Variants in BRAF observed in about 807,000 individuals in gnomAD.
The protein encoded by BRAF is serine/threonine-protein kinase B-raf.
A neutral mutation model predicts 104.6 loss-of-function variants in BRAF; 16 were observed. That is an observed-to-expected ratio of 0.15 (90% CI 0.10 to 0.23). The LOEUF is 0.23. BRAF is among the 10% of genes least tolerant of loss of function. The probability of loss-of-function intolerance (pLI) is 1.00; values close to 1 mark genes in which losing one functional copy is unlikely to be tolerated. For synonymous variants in BRAF, 310 were observed against 341.6 expected (o/e 0.91, Z 1.02); for missense variants, 541 against 937.3 (o/e 0.58, Z 5.52).
chr7:140,897,500 T>TC (rs1563024034), intron 1 of BRAF, among the ~76,000 whole-genome samples: 1 of 142,936 alleles, frequency 7.0e-6, no homozygotes, highest in East Asian at 2.0e-4. Context: ...TTTCTTTTTT[T>TC]TTTTTTTTTT....
Position 140,749,314 on chromosome 7 carries a change from A to G in BRAF, c.2085T>C (p.Pro695=), listed in dbSNP as rs1797598440. ...GGTCCCTGTTGTTGATGTTTGAATAAGGTAACTGTCCAGTCATCAATTCAT... is the reference window on the plus strand; with the variant it reads ...GGTCCCTGTTGTTGATGTTTGAATAGGGTAACTGTCCAGTCATCAATTCAT... ...VLYELMTGQL[P]YSNINNRDQI... is the part of the protein sequence containing the mutation. The change falls in exon 17 of 20, where the codon CCT becomes CCC. Residue 695 remains proline, a synonymous_variant. Transcript: ENST00000644969. 6.2e-7 allele frequency: 1 copy of G among 1,611,812 alleles called. No individual in the cohort carries two copies. The highest frequency in any genetic ancestry group is 1.1e-5 in the South Asian group (1 of 91,008).
rs1327521679 is a variant in BRAF, at chr7:140,722,415, T to C, written c.*4079A>G. Reference sequence around the variant, plus strand: ...ATTTCTGCTAAAATGTTAGCTTTTTTATTGCATCATGAAGGCACAGTAAGA... The same window carrying C: ...ATTTCTGCTAAAATGTTAGCTTTTTCATTGCATCATGAAGGCACAGTAAGA... On this transcript the variant is annotated 3_prime_UTR_variant, in exon 20 of 20. Coordinates refer to ENST00000644969, the MANE Select transcript of BRAF (RefSeq NM_001374258.1). The C allele has an allele frequency of 1.9e-6, 2 of 1,054,416 alleles. No individual in the cohort carries two copies. The highest frequency in any genetic ancestry group is 1.1e-6 in the Non-Finnish European group (1 of 872,598). 65.3% of individuals were successfully genotyped at this position (1,054,416 alleles called of 1,614,324 possible).
At chr7:140,827,469 A>T (rs1336681512) in intron 3 of BRAF, among the ~76,000 whole-genome samples, 1 of 152,180 alleles carries the variant, frequency 6.6e-6, no homozygotes, top group African/African-American at 2.4e-5. Context: ...ATAGGTCCAT[A>T]GTTAAAAAAT....
chr7:140,856,113 GTATA>G (rs1809747192), intron 1 of BRAF, among the ~76,000 whole-genome samples: 2 of 148,532 alleles, frequency 1.3e-5, no homozygotes, highest in South Asian at 4.2e-4. Flanking sequence ...ATATATAATA[GTATA>G]TATAAATATA....
intron 1 of BRAF, among the ~76,000 whole-genome samples, chr7:140,906,087 C>CAAAAAAA (rs61150735): frequency 1.1e-4 from 5 of 44,708 alleles, no homozygotes; most frequent in African/African-American, 4.0e-4. Flanking sequence ...GACTCCGTCT[C>CAAAAAAA]AAAAAAAAAA....
chr7:140,725,035 A>G lies in BRAF; in HGVS notation c.*1459T>C. The G allele has an allele frequency of 1.9e-6, 2 of 1,047,186 alleles. No homozygotes were observed. The highest frequency in any genetic ancestry group is 9.2e-5 in the South Asian group (2 of 21,834). The allele number at this position is 1,047,186 out of a possible 1,614,324, so 64.9% of individuals were successfully genotyped here. A position where few individuals can be genotyped will look rare whatever the true frequency, so the allele number is the denominator to read the frequency against. On this transcript the variant is annotated 3_prime_UTR_variant, in exon 20 of 20. Transcript: ENST00000644969. ...TGACAGCTTTCCCACACCCTCCCTCAGTCCTAATATCCCTAAAATTGCTCT... is the reference window on the plus strand; with the variant it reads ...TGACAGCTTTCCCACACCCTCCCTCGGTCCTAATATCCCTAAAATTGCTCT...
chr7:140,762,009 G>A (rs560543388), intron 14 of BRAF, among the ~76,000 whole-genome samples: 1 of 152,214 alleles, frequency 6.6e-6, no homozygotes, highest in South Asian at 2.1e-4. Context: ...GGACACCCAG[G>A]AATTGAACTC....
intron 1 of BRAF, among the ~76,000 whole-genome samples, chr7:140,876,811 T>C (rs1214032635): frequency 2.0e-5 from 3 of 152,290 alleles, no homozygotes; most frequent in East Asian, 1.9e-4. Flanking sequence ...TTGATATTTA[T>C]ATAACATTCT....
At chr7:140,735,990 T>C (rs755345718) in intron 18 of BRAF, among the ~76,000 whole-genome samples, 7 of 151,754 alleles carry the variant, frequency 4.6e-5, no homozygotes, top group African/African-American at 7.3e-5. Flanking sequence ...TAAAATACTA[T>C]AGAAATGTAT....
downstream of BRAF, among the ~76,000 whole-genome samples, chr7:140,715,350 A>C (rs1392770432): frequency 6.6e-6 from 1 of 151,944 alleles, no homozygotes; most frequent in Non-Finnish European, 1.5e-5. Flanking sequence ...GAGCTGATGA[A>C]GTGATGTTTA....
At chr7:140,899,242 T>TA (rs1416538775) in intron 1 of BRAF, among the ~76,000 whole-genome samples, 1 of 123,776 alleles carries the variant, frequency 8.1e-6, no homozygotes, top group African/African-American at 3.1e-5. Flanking sequence ...AGGAACTTGT[T>TA]AAAAATGCAA....
At chr7:140,718,196 G>T (rs192048222), downstream of BRAF, among the ~76,000 whole-genome samples, 1 of 152,270 alleles carries the variant, frequency 6.6e-6, no homozygotes, top group East Asian at 1.9e-4. Flanking sequence ...CCAGGTTCAA[G>T]CGATTCTCCT....
chr7:140,766,670 C>A (rs1422707745), intron 14 of BRAF, among the ~76,000 whole-genome samples: 4 of 152,064 alleles, frequency 2.6e-5, no homozygotes, highest in African/African-American at 9.7e-5. Context: ...GCAACCTCAG[C>A]CTCCCGAGTA....
At chr7:140,794,569 C>T in intron 7 of BRAF, 102 bp from the exon 8 acceptor site, 1 of 1,356,016 alleles carries the variant, frequency 7.4e-7, no homozygotes, top group Non-Finnish European at 1.0e-6. Context: ...TTTATATTCT[C>T]AAAATCATTA....
intron 17 of BRAF, among the ~76,000 whole-genome samples, chr7:140,746,746 C>T (rs894637924): frequency 2.6e-5 from 4 of 151,130 alleles, no homozygotes; most frequent in African/African-American, 4.9e-5. Context: ...GCAGAAGAAT[C>T]GCTAACATGG....
At chr7:140,874,495 TG>T (rs1359362405) in intron 1 of BRAF, among the ~76,000 whole-genome samples, 1 of 138,718 alleles carries the variant, frequency 7.2e-6, no homozygotes, top group Non-Finnish European at 1.5e-5. Flanking sequence ...CCACCGCGAC[TG>T]GCCTAAAAAA....
At chr7:140,897,695 A>G (rs558211845) in intron 1 of BRAF, among the ~76,000 whole-genome samples, 17 of 151,766 alleles carry the variant, frequency 1.1e-4, no homozygotes, top group African/African-American at 4.1e-4. Context: ...GGGTTTCACC[A>G]TGTTTCATCC....
downstream of BRAF, among the ~76,000 whole-genome samples, chr7:140,714,825 G>A (rs761683440): frequency 1.3e-5 from 2 of 152,198 alleles, no homozygotes; most frequent in South Asian, 2.1e-4. Context: ...TGAGGTGCTA[G>A]AGATGGGCGA....
intron 14 of BRAF, 67 bp from the exon 14 acceptor site, chr7:140,754,300 C>T: frequency 7.2e-7 from 1 of 1,393,932 alleles, no homozygotes; most frequent in South Asian, 1.2e-5. Context: ...ATCTACAGAA[C>T]ATACTTGGGG....
Sources: allele counts gnomAD v4.1 joint callset (sites outside exome capture counted in the v4.1 genomes callset), GRCh38; gene constraint gnomAD v4.1.1; transcripts MANE v1.5; gene names NCBI Gene and HGNC (gene_info 2026-07-23, HGNC 2026-07-21).